MTBP: variants seen among roughly 807,000 people sequenced by gnomAD.
The protein encoded by MTBP is mdm2-binding protein.
Under a neutral mutation model 117.0 loss-of-function variants are expected in MTBP, and 101 were observed. The observed-to-expected ratio is 0.86, with a 90% CI of 0.73 to 1.02. The LOEUF is 1.02. Ranked by LOEUF, MTBP falls within the 50% of genes least tolerant of loss-of-function variation. The pLI, the probability that MTBP is intolerant of heterozygous loss-of-function variation, is 0.00. For synonymous variants in MTBP, 350 were observed against 351.5 expected (o/e 1.00, Z 0.05); for missense variants, 970 against 1,030.9 (o/e 0.94, Z 0.81).
chr8:120,467,234 T>G (rs757863333), intron 10 of MTBP, among the ~76,000 whole-genome samples: 6 of 152,208 alleles, frequency 3.9e-5, no homozygotes, highest in Admixed American at 1.3e-4. Context: ...GAAATATTTC[T>G]TCAGAGAGAG....
intron 14 of MTBP, among the ~76,000 whole-genome samples, chr8:120,502,091 A>G (rs1814598276): frequency 6.6e-6 from 1 of 152,168 alleles, no homozygotes; most frequent in African/African-American, 2.4e-5. Flanking sequence ...TTTTTGGTCT[A>G]TTTGTGCTAA....
In MTBP at chr8:120,502,535, C is replaced by A; in HGVS notation, c.1653C>A (p.Thr551=). 6.2e-7 allele frequency: 1 copy of A among 1,606,464 alleles called. No homozygotes were observed. ...VEPNSSSLME[T]NPLEWPERHV... is the part of the protein sequence containing the mutation. ...CTAATTCCTCAAGTCTAATGGAAAC[C>A]AATCCTCTGGAATGGCCAGAAAGGC... Residue 551 remains threonine (T), a synonymous_variant, in exon 15 of 22, where the codon ACC becomes ACA. Coordinates refer to ENST00000305949, the MANE Select transcript of MTBP (RefSeq NM_022045.5).
intron 14 of MTBP, among the ~76,000 whole-genome samples, chr8:120,498,331 A>C (rs996758486): frequency 6.6e-6 from 1 of 152,230 alleles, no homozygotes; most frequent in Admixed American, 6.5e-5. Context: ...TTGTTTTATC[A>C]TTATCATCAC....
chr8:120,473,501 T>G (rs1041130504), intron 11 of MTBP: 5 of 152,154 alleles, frequency 3.3e-5, no homozygotes, highest in African/African-American at 1.2e-4. Flanking sequence ...GCTGTGAAAT[T>G]TATACTCAAG....
chr8:120,466,040 A>G (rs757143886), intron 10 of MTBP, among the ~76,000 whole-genome samples: 37 of 152,112 alleles, frequency 2.4e-4, no homozygotes, highest in Non-Finnish European at 5.3e-4. Flanking sequence ...TGATTGTAAA[A>G]TATTACAACA....
rs1313751433 is a variant in MTBP at position 120,451,307 on chromosome 8, CATT to C, written c.413_415del (p.Leu138del). On this transcript the variant is annotated inframe_deletion, in exon 4 of 22. Coordinates refer to ENST00000305949, the MANE Select transcript of MTBP (RefSeq NM_022045.5). ...GAAGAAGACAGTAATAGCAGGGAAT[CATT>C]ATCCTTGGCTGAGTATGCTTATATG... 13 of 1,612,576 alleles carry C rather than the reference CATT, an allele frequency of 8.1e-6. No individual in the cohort carries two copies. Among genetic ancestry groups the C allele is most frequent in the Middle Eastern group, 1.6e-4 (1 of 6,074 alleles).
chr8:120,462,438 G>A (rs1304065507), intron 9 of MTBP, among the ~76,000 whole-genome samples: 1 of 152,170 alleles, frequency 6.6e-6, no homozygotes, highest in African/African-American at 2.4e-5. Flanking sequence ...ATAACATGAG[G>A]TGAGCCATTT....
At chr8:120,461,581 T>G (rs1357770128) in intron 9 of MTBP, among the ~76,000 whole-genome samples, 1 of 152,180 alleles carries the variant, frequency 6.6e-6, no homozygotes, top group East Asian at 1.9e-4. Flanking sequence ...GAGCCTTGCT[T>G]CTTTAATGCA....
At chr8:120,459,822 T>G (rs1232587425) in intron 8 of MTBP, among the ~76,000 whole-genome samples, 1 of 152,190 alleles carries the variant, frequency 6.6e-6, no homozygotes. Flanking sequence ...GGTGAGAGTT[T>G]AATATGTGAC....
chr8:120,476,108 C>CTTTAA (rs1813931692), intron 11 of MTBP, among the ~76,000 whole-genome samples: 1 of 152,008 alleles, frequency 6.6e-6, no homozygotes, highest in Non-Finnish European at 1.5e-5. Context: ...TTGAATGTAT[C>CTTTAA]TAAAGGCCAT....
chr8:120,516,244 C>T (rs1159719748), intron 18 of MTBP, 53 bp downstream of exon 18: 25 of 1,378,594 alleles, frequency 1.8e-5, no homozygotes, highest in Non-Finnish European at 2.4e-5. Flanking sequence ...ATTTTAGTCT[C>T]GAGGATTTTT....
intron 13 of MTBP, among the ~76,000 whole-genome samples, chr8:120,495,000 T>C (rs999998570): frequency 1.3e-5 from 2 of 152,310 alleles, no homozygotes; most frequent in Middle Eastern, 3.4e-3. Flanking sequence ...ACTGATTGCT[T>C]ATATCTTGCT....
At chr8:120,517,115 G>C (rs1814933579) in intron 18 of MTBP, among the ~76,000 whole-genome samples, 1 of 151,976 alleles carries the variant, frequency 6.6e-6, no homozygotes, top group Non-Finnish European at 1.5e-5. Context: ...CAGCAGAATT[G>C]AGGGCTATAA....
chr8:120,463,665 C>T (rs1421405859), intron 9 of MTBP, 27 bp from the exon 10 acceptor site: 14 of 1,550,414 alleles, frequency 9.0e-6, no homozygotes, highest in South Asian at 1.2e-5. Context: ...GGTACCATTA[C>T]ATCATTTCTT....
At chr8:120,500,847 A>G (rs1814567890) in intron 14 of MTBP, among the ~76,000 whole-genome samples, 1 of 151,726 alleles carries the variant, frequency 6.6e-6, no homozygotes, top group Admixed American at 6.6e-5. Flanking sequence ...ACTTGAGGCC[A>G]GATGTTCGAG....
chr8:120,501,061 C>T (rs974175427), intron 14 of MTBP, among the ~76,000 whole-genome samples: 2 of 150,928 alleles, frequency 1.3e-5, no homozygotes, highest in African/African-American at 2.4e-5. Context: ...CGTGGTGGTG[C>T]GTGCCTGTAG....
At chr8:120,497,585 C>CGT (rs1554640848) in intron 14 of MTBP, 31 bp downstream of exon 14, 99 of 1,327,912 alleles carry the variant, frequency 7.5e-5, no homozygotes, top group African/African-American at 1.2e-4. Flanking sequence ...AATTTTAGTT[C>CGT]GTGTGTGTGT....
At chr8:120,457,664 C>T (rs1307698000) in intron 7 of MTBP, among the ~76,000 whole-genome samples, 1 of 152,112 alleles carries the variant, frequency 6.6e-6, no homozygotes, top group Non-Finnish European at 1.5e-5. Context: ...GTGGCTCACG[C>T]CTATAATCTC....
intron 16 of MTBP, 40 bp from the exon 17 acceptor site, chr8:120,509,894 A>G: frequency 2.2e-6 from 3 of 1,387,612 alleles, no homozygotes; most frequent in Non-Finnish European, 3.0e-6. Context: ...TTTTGTCAGT[A>G]AATAAACTTT....
Sources: allele counts gnomAD v4.1 joint callset (sites outside exome capture counted in the v4.1 genomes callset), GRCh38; gene constraint gnomAD v4.1.1; transcripts MANE v1.5; gene names NCBI Gene and HGNC (gene_info 2026-07-23, HGNC 2026-07-21).